The following NRGN variants were observed in gnomAD, a reference collection of about 807,000 sequenced individuals.
NRGN encodes the protein calmodulin-binding protein.
For synonymous variants in NRGN, 47 were observed against 52.8 expected, an observed-to-expected ratio of 0.89 and a Z score of 0.47; for missense variants, 82 against 123.0, an observed-to-expected ratio of 0.67 and a Z score of 1.58.
intron 1 of NRGN, among the ~76,000 whole-genome samples, chr11:124,741,848 G>T (rs1293508948): frequency 1.3e-5 from 2 of 152,068 alleles, no homozygotes; most frequent in Non-Finnish European, 2.9e-5. Context: ...AGGATGTGGG[G>T]GTCCCTGCCT....
At chr11:124,741,106 G>A (rs1591421118) in intron 1 of NRGN, among the ~76,000 whole-genome samples, 5 of 152,326 alleles carry the variant, frequency 3.3e-5, no homozygotes, top group Admixed American at 2.6e-4. Flanking sequence ...TGGGTACCAA[G>A]AGGCAGAGAA....
At position 124,740,142 on chromosome 11, in the gene NRGN, C is replaced by T; in HGVS notation, c.15+43C>T. On this transcript the variant is annotated intron_variant, in intron 1 of 3. Coordinates refer to ENST00000284292, the MANE Select transcript of NRGN (RefSeq NM_006176.3). The surrounding 1 kb of genome is among the most constrained non-coding windows in gnomAD (Gnocchi z 7.5). ...GGGGAGGGGCACTTGGCGGGGTCCG[C>T]TGCGAGAGGCGCCTGAGAAAGCCCT... 6 of 1,298,252 alleles carry T rather than the reference C, an allele frequency of 4.6e-6. No homozygotes were observed. Among genetic ancestry groups the T allele is most frequent in the Non-Finnish European group, 5.9e-6 (6 of 1,010,648 alleles). The allele number at this position is 1,298,252 out of a possible 1,614,324, so 80.4% of individuals were successfully genotyped here. A position where few individuals can be genotyped will look rare whatever the true frequency, so the allele number is the denominator to read the frequency against.
intron 1 of NRGN, among the ~76,000 whole-genome samples, chr11:124,741,177 C>T (rs890167826): frequency 6.6e-6 from 1 of 152,156 alleles, no homozygotes; most frequent in Admixed American, 6.5e-5. Context: ...GTAATAGTTG[C>T]CAGTTTGTGA....
intron 1 of NRGN, chr11:124,744,600 A>G (rs1410164593): frequency 2.0e-5 from 3 of 152,238 alleles, no homozygotes; most frequent in Non-Finnish European, 4.4e-5. Context: ...GTTTTTAAAC[A>G]GTCTAATCAT....
intron 1 of NRGN, among the ~76,000 whole-genome samples, chr11:124,741,424 G>A (rs1001906664): frequency 6.6e-6 from 1 of 152,066 alleles, no homozygotes; most frequent in Non-Finnish European, 1.5e-5. Flanking sequence ...AATAGAAAAC[G>A]TAAAACCTAG....
chr11:124,740,133 C>G lies in NRGN; in HGVS notation c.15+34C>G. Reference sequence around the variant, plus strand: ...GAGGGCCCGGGGGAGGGGCACTTGGCGGGGTCCGCTGCGAGAGGCGCCTGA... The same window carrying G: ...GAGGGCCCGGGGGAGGGGCACTTGGGGGGGTCCGCTGCGAGAGGCGCCTGA... On this transcript the variant is annotated intron_variant, in intron 1 of 3. Coordinates refer to ENST00000284292, the MANE Select transcript of NRGN (RefSeq NM_006176.3). This position sits in a 1 kb window ranked among gnomAD's most constrained non-coding sequence, Gnocchi z 7.5. The G allele has an allele frequency of 4.6e-6, 6 of 1,315,724 alleles. No individual in the cohort carries two copies. The highest frequency in any genetic ancestry group is 5.9e-6 in the Non-Finnish European group (6 of 1,023,680). The allele number at this position is 1,315,724 out of a possible 1,614,324, so 81.5% of individuals were successfully genotyped here. A position where few individuals can be genotyped will look rare whatever the true frequency, so the allele number is the denominator to read the frequency against.
At chr11:124,743,849 T>C (rs1413369244) in intron 1 of NRGN, among the ~76,000 whole-genome samples, 1 of 141,784 alleles carries the variant, frequency 7.1e-6, no homozygotes, top group African/African-American at 2.8e-5. Flanking sequence ...ACCTTGGTCA[T>C]CTCGTGTCCT....
In NRGN at chr11:124,740,089, ACTG is replaced by A; in HGVS notation, c.10_12del (p.Cys4del). On this transcript the variant is annotated inframe_deletion, in exon 1 of 4. Transcript: ENST00000284292. This position sits in a 1 kb window ranked among gnomAD's most constrained non-coding sequence, Gnocchi z 7.5. ...AGAGGACCCCCCGACACCAGCATGG[ACTG>A]CTGCACCGTAAGTTAGAGGGCCCGG... The A allele has an allele frequency of 7.4e-7, 1 of 1,346,636 alleles. No individual in the cohort carries two copies. The highest frequency in any genetic ancestry group is 9.6e-7 in the Non-Finnish European group (1 of 1,041,530). The allele number at this position is 1,346,636 out of a possible 1,614,324, so 83.4% of individuals were successfully genotyped here. A position where few individuals can be genotyped will look rare whatever the true frequency, so the allele number is the denominator to read the frequency against.
Position 124,740,841 on chromosome 11 carries a change from C to T in NRGN, c.15+742C>T, listed in dbSNP as rs1943960736. On this transcript the variant is annotated intron_variant, in intron 1 of 3. Transcript: ENST00000284292. This position sits in a 1 kb window ranked among gnomAD's most constrained non-coding sequence, Gnocchi z 7.5. ...TCGGTATGAAAGCGCCTGGCATAGG[C>T]CCTGGCTCCTGCCTCACTGGAAGAG... Among the ~76,000 whole-genome samples the T allele has an allele frequency of 6.6e-6, 1 of 152,268 alleles. No homozygotes were observed. The highest frequency in any genetic ancestry group is 6.5e-5 in the Admixed American group (1 of 15,290).
At chr11:124,742,343 A>G (rs1943972840) in intron 1 of NRGN, among the ~76,000 whole-genome samples, 1 of 152,146 alleles carries the variant, frequency 6.6e-6, no homozygotes, top group Admixed American at 6.5e-5. Context: ...TTTGGGAAGA[A>G]TCTAGTCCTG....
intron 1 of NRGN, among the ~76,000 whole-genome samples, chr11:124,743,500 A>G (rs896241275): frequency 1.3e-5 from 2 of 152,106 alleles, no homozygotes; most frequent in African/African-American, 4.8e-5. Context: ...CCACAACCAT[A>G]CCTGCCTTTT....
chr11:124,740,083 G>A lies in NRGN; in HGVS notation c.-2G>A. 1.5e-6 allele frequency: 2 copies of A among 1,351,276 alleles called. No homozygotes were observed. Among genetic ancestry groups the A allele is most frequent in the Non-Finnish European group, 1.9e-6 (2 of 1,043,626 alleles). The allele number at this position is 1,351,276 out of a possible 1,614,324, so 83.7% of individuals were successfully genotyped here. A position where few individuals can be genotyped will look rare whatever the true frequency, so the allele number is the denominator to read the frequency against. ...CCCCGCAGAGGACCCCCCGACACCA[G>A]CATGGACTGCTGCACCGTAAGTTAG... On this transcript the variant is annotated 5_prime_UTR_variant, in exon 1 of 4. Transcript: ENST00000284292. This position sits in a 1 kb window ranked among gnomAD's most constrained non-coding sequence, Gnocchi z 7.5.
Position 124,740,051 on chromosome 11 carries a change from C to G in NRGN, c.-34C>G. On this transcript the variant is annotated 5_prime_UTR_variant, in exon 1 of 4. Transcript: ENST00000284292. This position sits in a 1 kb window ranked among gnomAD's most constrained non-coding sequence, Gnocchi z 7.5. ...AGACCCCACCCCCGCCCTGCGCCAG[C>G]CTTCGTCCCCGCAGAGGACCCCCCG... 1 of 1,296,500 alleles carries G rather than the reference C, an allele frequency of 7.7e-7. No individual in the cohort carries two copies. Among genetic ancestry groups the G allele is most frequent in the Non-Finnish European group, 9.9e-7 (1 of 1,011,276 alleles). 80.3% of individuals were successfully genotyped at this position (1,296,500 alleles called of 1,614,324 possible).
intron 1 of NRGN, among the ~76,000 whole-genome samples, chr11:124,743,761 C>T (rs564577000): frequency 6.6e-6 from 1 of 152,066 alleles, no homozygotes; most frequent in Non-Finnish European, 1.5e-5. Context: ...TTCCTCATAT[C>T]CTGTCCACTT....
Position 124,745,079 on chromosome 11 carries a change from A to T in NRGN, c.16-424A>T, listed in dbSNP as rs1330982741. Among the ~76,000 whole-genome samples the T allele has an allele frequency of 2.0e-5, 3 of 152,028 alleles. 1 individual carries two copies. Among genetic ancestry groups the T allele is most frequent in the Admixed American group, 6.5e-5 (1 of 15,274 alleles). ...GGCTTCTCCATCCTCTCCACGGAAAACCCTGGACTCAGACTGGGTCCTTCT... is the reference window on the plus strand; with the variant it reads ...GGCTTCTCCATCCTCTCCACGGAAATCCCTGGACTCAGACTGGGTCCTTCT... On this transcript the variant is annotated intron_variant, in intron 1 of 3. Coordinates refer to ENST00000284292, the MANE Select transcript of NRGN (RefSeq NM_006176.3). This position sits in a 1 kb window ranked among gnomAD's most constrained non-coding sequence, Gnocchi z 6.4.
At position 124,740,310 on chromosome 11, in the gene NRGN, G is replaced by C. The variant is rs1433114156; in HGVS notation, c.15+211G>C. 1.3e-5 allele frequency among the ~76,000 whole-genome samples: 2 copies of C among 152,234 alleles called. No individual in the cohort carries two copies. Among genetic ancestry groups the C allele is most frequent in the African/African-American group, 4.8e-5 (2 of 41,462 alleles). ...AGGAAAAATGCTCCTCAACTCGCGG[G>C]GGCGTCTGAGCGCCCATCCGTTAGA... On this transcript the variant is annotated intron_variant, in intron 1 of 3. Transcript: ENST00000284292. The surrounding 1 kb of genome is among the most constrained non-coding windows in gnomAD (Gnocchi z 7.5).
In NRGN at chr11:124,745,613, G is replaced by T; in HGVS notation, c.126G>T (p.Ala42=). 6.2e-7 allele frequency: 1 copy of T among 1,604,010 alleles called. No homozygotes were observed. ...KIQASFRGHM[A]RKKIKSGERG... is the part of the protein sequence containing the mutation. ...AGGCGAGTTTTCGGGGCCACATGGC[G>T]CGGAAGAAGATAAAGAGCGGAGAGC... The change falls in exon 2 of 4, where the codon GCG becomes GCT. Residue 42 remains alanine (A), a synonymous_variant. Coordinates refer to ENST00000284292, the MANE Select transcript of NRGN (RefSeq NM_006176.3). This position sits in a 1 kb window ranked among gnomAD's most constrained non-coding sequence, Gnocchi z 6.4.
chr11:124,745,739 G>A lies in NRGN; in HGVS notation c.*5+10G>A. The A allele has an allele frequency of 1.6e-6, 2 of 1,279,764 alleles. No homozygotes were observed. Among genetic ancestry groups the A allele is most frequent in the Non-Finnish European group, 2.0e-6 (2 of 1,003,980 alleles). The allele number at this position is 1,279,764 out of a possible 1,614,324, so 79.3% of individuals were successfully genotyped here. ...GCGGAGACTAGGCCAGGTGAGGCGG[G>A]CGGCGCGCGGCTGGCTGACAGCTGC... On this transcript the variant is annotated intron_variant, in intron 2 of 3. Coordinates refer to ENST00000284292, the MANE Select transcript of NRGN (RefSeq NM_006176.3). The surrounding 1 kb of genome is among the most constrained non-coding windows in gnomAD (Gnocchi z 6.4).
At chr11:124,743,879 A>C (rs976017859) in intron 1 of NRGN, among the ~76,000 whole-genome samples, 1 of 140,594 alleles carries the variant, frequency 7.1e-6, no homozygotes, top group Admixed American at 7.0e-5. Context: ...AGATAGTCAA[A>C]GCAGTGGAAG....
Sources: gnomAD v4.1 joint callset for allele counts (sites outside exome capture counted in the v4.1 genomes callset) on GRCh38, gnomAD v4.1.1 for gene constraint, Gnocchi (gnomAD v3.1) non-coding constraint, MANE v1.5 for transcripts, NCBI Gene and HGNC (gene_info 2026-07-23, HGNC 2026-07-21) for gene names.